Variants in PFDN6 observed in about 807,000 individuals in gnomAD.
PFDN6 encodes the protein prefoldin subunit 6.
A neutral mutation model predicts 19.3 loss-of-function variants in PFDN6; 5 were observed. The observed-to-expected ratio is 0.26, with a 90% confidence interval of 0.14 to 0.55. The LOEUF is 0.55. PFDN6 is among the 20% of genes least tolerant of loss of function. The probability of loss-of-function intolerance (pLI) is 0.94; values close to 1 mark genes in which losing one functional copy is unlikely to be tolerated. For synonymous variants in PFDN6, 51 were observed against 63.4 expected (o/e 0.80, Z 0.93); for missense variants, 101 against 149.4 (o/e 0.68, Z 1.69).
At chr6:33,289,320 C>T, upstream of PFDN6, 1 of 1,441,508 alleles carries the variant, frequency 6.9e-7, no homozygotes, top group African/African-American at 1.4e-5. Context: ...TGAGGGCACG[C>T]TCTCCTTAGA....
At chr6:33,290,683 C>T in intron 3 of PFDN6, 33 bp from the exon 4 acceptor site, 3 of 1,609,334 alleles carry the variant, frequency 1.9e-6, no homozygotes, top group South Asian at 1.1e-5. Context: ...ACTAATTTCT[C>T]CCTTTCTGCT....
Position 33,289,844 on chromosome 6 carries a change from T to G in PFDN6, c.-13T>G. On this transcript the variant is annotated 5_prime_UTR_variant, in exon 1 of 4. Transcript: ENST00000374606. ...CGCCCTTGTCTCGCACCCAGTAGGC[T>G]TTCATCCCCGCCATGGCGGAGCTGA... 6.3e-7 allele frequency: 1 copy of G among 1,587,434 alleles called. No homozygotes were observed. The highest frequency in any genetic ancestry group is 1.1e-5 in the South Asian group (1 of 87,036).
chr6:33,290,447 AAATGTGAGTTTTTAT>A lies in PFDN6; in HGVS notation c.258_260+12del. On this transcript the variant is annotated splice_donor_variant and splice_donor_5th_base_variant and coding_sequence_variant and intron_variant, in exon 3 of 4. Coordinates refer to ENST00000374606, the MANE Select transcript of PFDN6 (RefSeq NM_001185181.3). LOFTEE classifies it high-confidence loss of function. Reference sequence around the variant, plus strand: ...AAGAGGCTGGACTATATCACAGCTGAAATGTGAGTTTTTATTCCACCACCGTGTGCTGCACCCTGT... The same window carrying A: ...AAGAGGCTGGACTATATCACAGCTGATCCACCACCGTGTGCTGCACCCTGT... 1 of 1,548,588 alleles carries A rather than the reference AAATGTGAGTTTTTAT, an allele frequency of 6.5e-7. No homozygotes were observed. Among genetic ancestry groups the A allele is most frequent in the Non-Finnish European group, 8.7e-7 (1 of 1,148,646 alleles).
upstream of PFDN6, chr6:33,289,404 TC>T: frequency 7.6e-7 from 1 of 1,310,604 alleles, no homozygotes; most frequent in Non-Finnish European, 9.7e-7. Flanking sequence ...GAAAGGCAGG[TC>T]CGGAGCCAGG....
intron 3 of PFDN6, 59 bp from the exon 4 acceptor site, chr6:33,290,657 C>A: frequency 6.3e-7 from 1 of 1,591,266 alleles, no homozygotes. Flanking sequence ...GTTTAGCACT[C>A]TCCATAGTGA....
intron 3 of PFDN6, 41 bp downstream of exon 3, chr6:33,290,491 G>A (rs763592987): frequency 6.5e-7 from 1 of 1,527,198 alleles, no homozygotes; most frequent in Admixed American, 2.1e-5. Context: ...ACCCTGTGAT[G>A]CAAGTGAACC....
Position 33,289,768 on chromosome 6 carries a change from A to C in PFDN6, c.-89A>C, listed in dbSNP as rs1562643097. On this transcript the variant is annotated 5_prime_UTR_variant, in exon 1 of 4. Transcript: ENST00000374606. Reference sequence around the variant, plus strand: ...CTCTCAAGAGTGCTATCATTTCCGCAGGCCAGATCAGAAAAGGGAGCTCAG... The same window carrying C: ...CTCTCAAGAGTGCTATCATTTCCGCCGGCCAGATCAGAAAAGGGAGCTCAG... 9.3e-7 allele frequency: 1 copy of C among 1,073,002 alleles called. No homozygotes were observed. Among genetic ancestry groups the C allele is most frequent in the Non-Finnish European group, 1.3e-6 (1 of 742,950 alleles). 66.5% of individuals were successfully genotyped at this position (1,073,002 alleles called of 1,614,324 possible). A position where few individuals can be genotyped will look rare whatever the true frequency, so the allele number is the denominator to read the frequency against.
At chr6:33,290,553 T>C in intron 3 of PFDN6, 103 bp downstream of exon 3, 3 of 1,480,944 alleles carry the variant, frequency 2.0e-6, no homozygotes, top group Non-Finnish European at 2.7e-6. Flanking sequence ...TAGTGGCCCC[T>C]AGTCCTCCAG....
At position 33,290,733 on chromosome 6, in the gene PFDN6, A is replaced by G. The variant is rs749222743; in HGVS notation, c.278A>G (p.Gln93Arg). Residue 93 changes from glutamine to arginine, a missense_variant, in exon 4 of 4, where the codon CAG becomes CGG. Transcript: ENST00000374606. Reference protein sequence around the residue: ...ITAEIKRYESQLRDLERQSEQ... With the variant: ...ITAEIKRYESRLRDLERQSEQ... ...CTCCTTAGTAAGCGATACGAATCCCAGCTTCGGGATCTTGAGCGGCAGTCA... is the reference window on the plus strand; with the variant it reads ...CTCCTTAGTAAGCGATACGAATCCCGGCTTCGGGATCTTGAGCGGCAGTCA... The G allele has an allele frequency of 6.2e-6, 10 of 1,613,092 alleles. No homozygotes were observed. In the South Asian group the frequency reaches 7.7e-5, roughly 12 times the overall value.
In PFDN6 at chr6:33,290,899, C is replaced by T. The variant is rs1767318016; in HGVS notation, c.*54C>T. The T allele has an allele frequency of 1.3e-6, 2 of 1,494,180 alleles. No homozygotes were observed. The highest frequency in any genetic ancestry group is 2.0e-5 in the Admixed American group (1 of 51,126). The allele number at this position is 1,494,180 out of a possible 1,614,324, so 92.6% of individuals were successfully genotyped here. On this transcript the variant is annotated 3_prime_UTR_variant, in exon 4 of 4. Coordinates refer to ENST00000374606, the MANE Select transcript of PFDN6 (RefSeq NM_001185181.3). ...GGAGGGAATGAGGCAGCTCTAGGAT[C>T]TATACTGTAGCTAATAAAATGTAAA...
chr6:33,289,995 G>A, intron 1 of PFDN6, 75 bp downstream of exon 1: 1 of 1,432,752 alleles, frequency 7.0e-7, no homozygotes. Context: ...AAGGTTTGTT[G>A]CCCCATCTGG....
Position 33,289,808 on chromosome 6 carries a change from GT to G in PFDN6, c.-48del. ...AGGGAGCTCAGGTACCTTCCAGAGA[GT>G]GAGACCCAGCGCCCTTGTCTCGCAC... On this transcript the variant is annotated 5_prime_UTR_variant, in exon 1 of 4. Transcript: ENST00000374606. 1 of 1,470,712 alleles carries G rather than the reference GT, an allele frequency of 6.8e-7. No individual in the cohort carries two copies. The highest frequency in any genetic ancestry group is 9.3e-7 in the Non-Finnish European group (1 of 1,080,028). 91.1% of individuals were successfully genotyped at this position (1,470,712 alleles called of 1,614,324 possible). A position where few individuals can be genotyped will look rare whatever the true frequency, so the allele number is the denominator to read the frequency against.
rs1011229092 is a variant in PFDN6 at position 33,290,065 on chromosome 6, C to G, written c.65-109C>G. 6 of 1,346,914 alleles carry G rather than the reference C, an allele frequency of 4.5e-6. No homozygotes were observed. In the African/African-American group the frequency reaches 8.6e-5, roughly 19 times the overall value. 83.4% of individuals were successfully genotyped at this position (1,346,914 alleles called of 1,614,324 possible). On this transcript the variant is annotated intron_variant, in intron 1 of 3. Transcript: ENST00000374606. Reference sequence around the variant, plus strand: ...CAGTACTCTTCCCTGTTCACTCACCCGCTGCCCCCATCCTTTTCTGCTTCC... The same window carrying G: ...CAGTACTCTTCCCTGTTCACTCACCGGCTGCCCCCATCCTTTTCTGCTTCC...
rs1767105608 is a variant in PFDN6 at position 33,289,635 on chromosome 6, A to T, written c.-222A>T. On this transcript the variant is annotated 5_prime_UTR_variant, in exon 1 of 4. Coordinates refer to ENST00000374606, the MANE Select transcript of PFDN6 (RefSeq NM_001185181.3). ...GAAGGAAGAACGTGAGTAGGTTAGG[A>T]TTTCGGTTGAGAGGCTTGGGGTCTT... The T allele has an allele frequency of 3.5e-6, 2 of 569,426 alleles. No homozygotes were observed. Among genetic ancestry groups the T allele is most frequent in the Non-Finnish European group, 5.5e-6 (2 of 360,492 alleles). The allele number at this position is 569,426 out of a possible 1,614,324, so 35.3% of individuals were successfully genotyped here.
Position 33,289,623 on chromosome 6 carries a change from G to A in PFDN6, c.-234G>A. 1 of 580,490 alleles carries A rather than the reference G, an allele frequency of 1.7e-6. No homozygotes were observed. The highest frequency in any genetic ancestry group is 2.7e-6 in the Non-Finnish European group (1 of 371,826). 36.0% of individuals were successfully genotyped at this position (580,490 alleles called of 1,614,324 possible). ...TTTATTACTACTGAAGGAAGAACGTGAGTAGGTTAGGATTTCGGTTGAGAG... is the reference window on the plus strand; with the variant it reads ...TTTATTACTACTGAAGGAAGAACGTAAGTAGGTTAGGATTTCGGTTGAGAG... On this transcript the variant is annotated 5_prime_UTR_variant, in exon 1 of 4. Transcript: ENST00000374606.
Position 33,289,932 on chromosome 6 carries a change from G to A in PFDN6, c.64+12G>A. 1.3e-6 allele frequency: 2 copies of A among 1,599,684 alleles called. No homozygotes were observed. Among genetic ancestry groups the A allele is most frequent in the Non-Finnish European group, 1.7e-6 (2 of 1,171,996 alleles). On this transcript the variant is annotated intron_variant, in intron 1 of 3. Transcript: ENST00000374606. ...ACAGCTACAGAAGGGTAAGGGAACA[G>A]GGTCGGTATGGTCTCGCCCAATGCA...
At chr6:33,290,067 C>A in intron 1 of PFDN6, 107 bp from the exon 2 acceptor site, 1 of 1,350,474 alleles carries the variant, frequency 7.4e-7, no homozygotes, top group Non-Finnish European at 1.0e-6. Context: ...CACTCACCCG[C>A]TGCCCCCATC....
intron 1 of PFDN6, 21 bp from the exon 2 acceptor site, chr6:33,290,153 T>C (rs28362616): frequency 0.01 from 16,646 of 1,613,210 alleles, 150 homozygotes; most frequent in Middle Eastern, 0.029. Flanking sequence ...GTTTCTAAAT[T>C]GCCTTTCCTC....
upstream of PFDN6, chr6:33,289,331 G>A (rs944702279): frequency 7.9e-6 from 11 of 1,390,738 alleles, no homozygotes; most frequent in Non-Finnish European, 7.4e-6. Flanking sequence ...TCTCCTTAGA[G>A]GGGCGGAACA....
Sources: gnomAD v4.1 joint callset for allele counts on GRCh38, gnomAD v4.1.1 for gene constraint, MANE v1.5 for transcripts, NCBI Gene and HGNC (gene_info 2026-07-23, HGNC 2026-07-21) for gene names.